The following RALYL variants were observed in gnomAD, a reference collection of about 807,000 sequenced individuals.
RALYL encodes RALY RNA binding protein like.
A neutral mutation model predicts 35.1 loss-of-function variants in RALYL; 29 were observed. The ratio of observed to expected loss-of-function variants is 0.83; its 90% CI spans 0.61 to 1.13. RALYL has a LOEUF of 1.13. RALYL is among the 50% of genes most tolerant of loss of function. RALYL has a pLI of 0.00. For missense variants in RALYL, 359 were observed against 360.4 expected, an observed-to-expected ratio of 1.00 and a Z score of 0.03; for synonymous variants, 120 against 127.6, an observed-to-expected ratio of 0.94 and a Z score of 0.40.
chr8:84,815,437 A>AT lies in RALYL; in HGVS notation c.365+10638dup, dbSNP rs1158818883. ...TTATATATTTATTAAATATATTTAA[A>AT]TTTATTATAAATACATAATACTGAA... On this transcript the variant is annotated intron_variant, in intron 4 of 8. Transcript: ENST00000521268. 1.8e-4 allele frequency among the ~76,000 whole-genome samples: 27 copies of AT among 148,008 alleles called. No individual in the cohort carries two copies. The South Asian group carries it at 5.7e-3, about 31-fold the overall frequency.
chr8:84,489,859 C>T (rs1177725247), intron 1 of RALYL, among the ~76,000 whole-genome samples: 2 of 151,828 alleles, frequency 1.3e-5, no homozygotes, highest in Admixed American at 6.6e-5. Flanking sequence ...TTAGAGAGCA[C>T]AAGTGGTTTG....
chr8:84,234,774 T>A (rs1323031283), intron 1 of RALYL, among the ~76,000 whole-genome samples: 2 of 145,926 alleles, frequency 1.4e-5, no homozygotes, highest in Non-Finnish European at 3.0e-5. Flanking sequence ...TATTTATTTT[T>A]TTTTTTTTGA....
chr8:84,314,840 T>C (rs1843442322), intron 1 of RALYL, among the ~76,000 whole-genome samples: 1 of 152,136 alleles, frequency 6.6e-6, no homozygotes, highest in South Asian at 2.1e-4. Flanking sequence ...TTTTGAAAAA[T>C]ATAAATTGAT....
Position 84,622,555 on chromosome 8 carries a change from A to G in RALYL, c.256+92978A>G, listed in dbSNP as rs187971140. Reference sequence around the variant, plus strand: ...GGAAAAGAGGGATGTCCTCAGGGTTAGTGTGTCCAGGGATCAGGACAACGC... The same window carrying G: ...GGAAAAGAGGGATGTCCTCAGGGTTGGTGTGTCCAGGGATCAGGACAACGC... On this transcript the variant is annotated intron_variant, in intron 2 of 8. Transcript: ENST00000521268. Among the ~76,000 whole-genome samples, 70 of 152,294 alleles carry G rather than the reference A, an allele frequency of 4.6e-4. 2 individuals are homozygous for G. In the East Asian group the frequency reaches 6.9e-3, roughly 15 times the overall value.
chr8:84,719,054 G>A (rs1843412051), intron 2 of RALYL, among the ~76,000 whole-genome samples: 1 of 152,068 alleles, frequency 6.6e-6, no homozygotes, highest in South Asian at 2.1e-4. Flanking sequence ...ACTTCCTTCT[G>A]ATACATTTCT....
chr8:84,196,892 GTTC>G (rs1234856118), intron 1 of RALYL, among the ~76,000 whole-genome samples: 6 of 152,220 alleles, frequency 3.9e-5, no homozygotes, highest in African/African-American at 1.4e-4. Context: ...GATACTTATT[GTTC>G]TTCAGGAGCA....
chr8:84,388,549 G>A (rs1472156477), intron 1 of RALYL, among the ~76,000 whole-genome samples: 2 of 152,178 alleles, frequency 1.3e-5, no homozygotes, highest in Admixed American at 1.3e-4. Flanking sequence ...GGTGTGAGAT[G>A]ATATCTCATT....
intron 1 of RALYL, among the ~76,000 whole-genome samples, chr8:84,283,485 G>A (rs1044356217): frequency 2.3e-4 from 35 of 152,232 alleles, no homozygotes; most frequent in African/African-American, 7.5e-4. Context: ...GCTGGTTTTA[G>A]GCTATAATCC....
chr8:84,330,309 A>T (rs1846576645), intron 1 of RALYL, among the ~76,000 whole-genome samples: 1 of 152,058 alleles, frequency 6.6e-6, no homozygotes, highest in Non-Finnish European at 1.5e-5. Flanking sequence ...TTTCTGAAGG[A>T]GTGTTTGACA....
chr8:84,825,127 T>C (rs1185836855), intron 4 of RALYL, among the ~76,000 whole-genome samples: 1 of 152,148 alleles, frequency 6.6e-6, no homozygotes, highest in East Asian at 1.9e-4. Context: ...ATATCCAGAA[T>C]CTTTAAGGAA....
At chr8:84,544,004 C>T (rs981723457) in intron 2 of RALYL, among the ~76,000 whole-genome samples, 1 of 151,986 alleles carries the variant, frequency 6.6e-6, no homozygotes, top group African/African-American at 2.4e-5. Flanking sequence ...AAAAACAGTA[C>T]CACCAGCACC....
intron 4 of RALYL, among the ~76,000 whole-genome samples, chr8:84,816,190 G>T (rs1827250552): frequency 6.6e-6 from 1 of 152,018 alleles, no homozygotes; most frequent in Non-Finnish European, 1.5e-5. Flanking sequence ...AGGAATCAAA[G>T]ATCCTTCATT....
At chr8:84,233,645 C>T (rs943354810) in intron 1 of RALYL, among the ~76,000 whole-genome samples, 2 of 152,136 alleles carry the variant, frequency 1.3e-5, no homozygotes, top group African/African-American at 2.4e-5. Context: ...GGTGAACTTT[C>T]CTTTTCTTTG....
intron 4 of RALYL, among the ~76,000 whole-genome samples, chr8:84,845,009 C>T (rs935133218): frequency 2.6e-5 from 4 of 152,002 alleles, no homozygotes; most frequent in Admixed American, 1.3e-4. Context: ...AGGAGATATA[C>T]CTAATGTTAA....
chr8:84,674,964 C>G (rs1403495722), intron 2 of RALYL, among the ~76,000 whole-genome samples: 4 of 149,536 alleles, frequency 2.7e-5, no homozygotes, highest in Non-Finnish European at 5.9e-5. Flanking sequence ...AGATATATGC[C>G]AATAGTGCAG....
intron 1 of RALYL, among the ~76,000 whole-genome samples, chr8:84,377,853 A>G (rs1452781017): frequency 6.6e-6 from 1 of 151,890 alleles, no homozygotes; most frequent in African/African-American, 2.4e-5. Context: ...AAAGTTTTCA[A>G]GATACAAATA....
At chr8:84,889,408 A>G (rs149942294) in intron 8 of RALYL, among the ~76,000 whole-genome samples, 1 of 152,122 alleles carries the variant, frequency 6.6e-6, no homozygotes, top group African/African-American at 2.4e-5. Context: ...AATTTTTCAT[A>G]AGCTGACCAC....
At chr8:84,822,748 A>G (rs1161906369) in intron 4 of RALYL, among the ~76,000 whole-genome samples, 1 of 152,180 alleles carries the variant, frequency 6.6e-6, no homozygotes, top group African/African-American at 2.4e-5. Context: ...AAATTATGCA[A>G]TGCACATTGT....
chr8:84,219,023 C>G (rs1469483121), intron 1 of RALYL, among the ~76,000 whole-genome samples: 1 of 151,974 alleles, frequency 6.6e-6, no homozygotes, highest in Non-Finnish European at 1.5e-5. Flanking sequence ...ATTTAGTGCC[C>G]TCTTGGATAA....
Sources: gnomAD v4.1 joint callset for allele counts (sites outside exome capture counted in the v4.1 genomes callset) on GRCh38, gnomAD v4.1.1 for gene constraint, MANE v1.5 for transcripts, NCBI Gene and HGNC (gene_info 2026-07-23, HGNC 2026-07-21) for gene names.